DIP2C: variants seen among roughly 807,000 people sequenced by gnomAD.
DIP2C encodes DIP2 acetate--CoA ligase C (putative), also known as disco-interacting protein 2 homolog C.
Under a neutral mutation model 192.4 loss-of-function variants are expected in DIP2C, and 33 were observed. The ratio of observed to expected loss-of-function variants is 0.17; its 90% CI spans 0.13 to 0.23. The LOEUF is 0.23. DIP2C is among the 10% of genes least tolerant of loss of function. The pLI is 1.00. For synonymous variants in DIP2C, 979 were observed against 864.1 expected (o/e 1.13, Z -2.33); for missense variants, 1,537 against 2,110.1 (o/e 0.73, Z 5.32).
At chr10:354,569 T>C (rs1017416149) in intron 24 of DIP2C, among the ~76,000 whole-genome samples, 41 of 152,280 alleles carry the variant, frequency 2.7e-4, no homozygotes, top group Non-Finnish European at 2.6e-4. Context: ...CATCAATACC[T>C]CTAGATTACT....
chr10:309,920 TG>T, intron 32 of DIP2C, 110 bp downstream of exon 32: 1 of 1,054,336 alleles, frequency 9.5e-7, no homozygotes, highest in Non-Finnish European at 1.4e-6. Flanking sequence ...AGTTACACTC[TG>T]GGCAGATAAA....
At chr10:515,670 G>C (rs1269900859) in intron 1 of DIP2C, among the ~76,000 whole-genome samples, 1 of 152,160 alleles carries the variant, frequency 6.6e-6, no homozygotes, top group Non-Finnish European at 1.5e-5. Flanking sequence ...GTTGCGGTGA[G>C]CCAAGATCGC....
At chr10:509,840 C>G (rs563445440) in intron 1 of DIP2C, among the ~76,000 whole-genome samples, 2 of 152,260 alleles carry the variant, frequency 1.3e-5, no homozygotes, top group South Asian at 4.1e-4. Flanking sequence ...ACAGGGCCGC[C>G]GCAGTCTCCT....
At chr10:570,191 A>G (rs925059474) in intron 1 of DIP2C, among the ~76,000 whole-genome samples, 1 of 152,214 alleles carries the variant, frequency 6.6e-6, no homozygotes, top group Non-Finnish European at 1.5e-5. Context: ...CATTGCCACC[A>G]TAGCTGTGAG....
intron 4 of DIP2C, among the ~76,000 whole-genome samples, chr10:430,083 A>G (rs1381895210): frequency 6.6e-6 from 1 of 152,182 alleles, no homozygotes; most frequent in Non-Finnish European, 1.5e-5. Flanking sequence ...TGGGCATTCT[A>G]ATAGGTGTAT....
intron 1 of DIP2C, among the ~76,000 whole-genome samples, chr10:671,423 G>A (rs1486998453): frequency 7.6e-6 from 1 of 131,612 alleles, no homozygotes; most frequent in Non-Finnish European, 1.6e-5. Context: ...ACGGACGGAG[G>A]AAACGTCACA....
intron 17 of DIP2C, among the ~76,000 whole-genome samples, chr10:378,203 G>C (rs370932262): frequency 6.6e-6 from 1 of 152,226 alleles, no homozygotes. Context: ...TAACAGGACA[G>C]TGACAGTTTT....
At chr10:432,134 G>C (rs1007828620) in intron 4 of DIP2C, among the ~76,000 whole-genome samples, 17 of 151,954 alleles carry the variant, frequency 1.1e-4, no homozygotes, top group African/African-American at 4.1e-4. Context: ...TTTGTTGAAG[G>C]TTATTGCATC....
At chr10:504,075 CTCTT>C (rs1588321585) in intron 1 of DIP2C, among the ~76,000 whole-genome samples, 1 of 152,236 alleles carries the variant, frequency 6.6e-6, no homozygotes, top group African/African-American at 2.4e-5. Flanking sequence ...GAAATACTCT[CTCTT>C]CATCTCACGA....
intron 1 of DIP2C, among the ~76,000 whole-genome samples, chr10:674,818 A>G (rs906923719): frequency 1.6e-4 from 24 of 146,904 alleles, no homozygotes; most frequent in Admixed American, 6.8e-4. Context: ...AGAGAGAGAG[A>G]GAGAGAGAGA....
chr10:311,641 C>T, intron 31 of DIP2C: 5 of 1,179,668 alleles, frequency 4.2e-6, no homozygotes, highest in Non-Finnish European at 5.3e-6. Context: ...ACACAACACA[C>T]ACAGACACAT....
Position 341,315 on chromosome 10 carries a change from G to A in DIP2C, c.3468C>T (p.Ala1156=). The A allele has an allele frequency of 1.2e-6, 2 of 1,614,058 alleles. No homozygotes were observed. Among genetic ancestry groups the A allele is most frequent in the Middle Eastern group, 1.7e-4 (1 of 5,926 alleles). The part of the protein sequence containing the change: ...MLAGVKMSHA[A]TSAFCRSIKL... ...TAATGGAACGGCAGAAGGCACTGGT[G>A]GCTGCGTGAGACATCTGCAAAATAC... The change falls in exon 29 of 37, where the codon GCC becomes GCT. Residue 1156 remains alanine, a synonymous_variant. Transcript: ENST00000280886.
At chr10:591,606 G>C (rs1052002073) in intron 1 of DIP2C, among the ~76,000 whole-genome samples, 1 of 151,636 alleles carries the variant, frequency 6.6e-6, no homozygotes, top group East Asian at 2.0e-4. Context: ...CAGTCGATTT[G>C]AGCCTTGAGA....
intron 1 of DIP2C, among the ~76,000 whole-genome samples, chr10:658,962 T>TCA (rs1189827149): frequency 1.3e-5 from 2 of 151,982 alleles, no homozygotes; most frequent in Middle Eastern, 3.4e-3. Flanking sequence ...GACACATATC[T>TCA]CACACACACA....
intron 1 of DIP2C, among the ~76,000 whole-genome samples, chr10:600,678 A>C (rs1453672294): frequency 6.6e-6 from 1 of 152,162 alleles, no homozygotes; most frequent in East Asian, 1.9e-4. Context: ...GGGTGTGTGG[A>C]TATTCCTGGG....
intron 1 of DIP2C, among the ~76,000 whole-genome samples, chr10:589,883 T>C (rs1157500373): frequency 6.6e-6 from 1 of 152,228 alleles, no homozygotes; most frequent in Non-Finnish European, 1.5e-5. Context: ...GAGACCAATG[T>C]AGCCATTAAA....
intron 24 of DIP2C, among the ~76,000 whole-genome samples, chr10:355,866 C>T (rs1959056563): frequency 6.6e-6 from 1 of 152,138 alleles, no homozygotes; most frequent in Admixed American, 6.5e-5. Context: ...CACTCAAGGC[C>T]AGGAATTCAA....
chr10:306,219 A>G (rs1403502501), intron 32 of DIP2C, among the ~76,000 whole-genome samples: 2 of 151,684 alleles, frequency 1.3e-5, no homozygotes, highest in Non-Finnish European at 2.9e-5. Context: ...GTGTCCCCTC[A>G]CTCTATGATG....
At chr10:577,468 C>T (rs919350377) in intron 1 of DIP2C, among the ~76,000 whole-genome samples, 3 of 152,234 alleles carry the variant, frequency 2.0e-5, no homozygotes, top group Non-Finnish European at 4.4e-5. Context: ...ACCAAGCTCT[C>T]TATGAAGGTG....
Sources: allele counts gnomAD v4.1 joint callset (sites outside exome capture counted in the v4.1 genomes callset), GRCh38; gene constraint gnomAD v4.1.1; transcripts MANE v1.5; gene names NCBI Gene and HGNC (gene_info 2026-07-23, HGNC 2026-07-21).